The following BMPR2 variants were observed in gnomAD, a reference collection of about 807,000 sequenced individuals.
BMPR2 encodes bone morphogenetic protein receptor type 2, also known as bone morphogenetic protein receptor type-2.
Under a neutral mutation model 100.8 loss-of-function variants are expected in BMPR2, and 29 were observed. The ratio of observed to expected loss-of-function variants is 0.29; its 90% CI spans 0.21 to 0.39. The LOEUF (loss-of-function observed/expected upper bound fraction) is 0.39. Among genes scored for constraint, BMPR2 ranks in the 10% least tolerant of loss-of-function variants. The pLI, the probability that BMPR2 is intolerant of heterozygous loss-of-function variation, is 1.00. For synonymous variants in BMPR2, 382 were observed against 442.3 expected (o/e 0.86, Z 1.71); for missense variants, 1,011 against 1,274.5 (o/e 0.79, Z 3.15).
chr2:202,526,343 C>T (rs961958091), intron 7 of BMPR2, among the ~76,000 whole-genome samples: 1 of 152,214 alleles, frequency 6.6e-6, no homozygotes, highest in African/African-American at 2.4e-5. Context: ...GTCTCTCTGA[C>T]ATCTTTAGTG....
chr2:202,392,669 AGTT>A (rs1203944276), intron 1 of BMPR2, among the ~76,000 whole-genome samples: 4 of 152,094 alleles, frequency 2.6e-5, no homozygotes, highest in Non-Finnish European at 5.9e-5. Context: ...TAAGAGCTGT[AGTT>A]GTTTGAGTTT....
At chr2:202,535,288 C>T (rs1240043446) in intron 9 of BMPR2, among the ~76,000 whole-genome samples, 2 of 151,256 alleles carry the variant, frequency 1.3e-5, no homozygotes, top group Non-Finnish European at 1.5e-5. Flanking sequence ...ACTTCTCAGA[C>T]GGGGCGGCTG....
intron 5 of BMPR2, among the ~76,000 whole-genome samples, chr2:202,516,494 G>A (rs975149988): frequency 1.3e-5 from 2 of 152,132 alleles, no homozygotes; most frequent in African/African-American, 4.8e-5. Flanking sequence ...GGGCAACATG[G>A]TGAAACCCCA....
intron 11 of BMPR2, among the ~76,000 whole-genome samples, chr2:202,554,770 C>A (rs1688533649): frequency 6.6e-6 from 1 of 152,172 alleles, no homozygotes; most frequent in Non-Finnish European, 1.5e-5. Context: ...TTTGGAACAA[C>A]CTAAAAGCTT....
intron 3 of BMPR2, among the ~76,000 whole-genome samples, chr2:202,476,261 T>G (rs1283870505): frequency 4.2e-5 from 3 of 71,074 alleles, no homozygotes; most frequent in Non-Finnish European, 8.0e-5. Flanking sequence ...TCCAATTCCA[T>G]GTGTCCCTCT....
intron 10 of BMPR2, among the ~76,000 whole-genome samples, chr2:202,549,691 G>A (rs1688440881): frequency 1.3e-5 from 2 of 149,110 alleles, no homozygotes; most frequent in South Asian, 4.2e-4. Context: ...AGGCTGCCGT[G>A]AGCTGAGATC....
chr2:202,446,148 C>G (rs937119929), intron 1 of BMPR2, among the ~76,000 whole-genome samples: 1 of 150,498 alleles, frequency 6.6e-6, no homozygotes, highest in Non-Finnish European at 1.5e-5. Flanking sequence ...CGCCTGTAAT[C>G]CCGGCACTTT....
intron 1 of BMPR2, among the ~76,000 whole-genome samples, chr2:202,410,325 AC>A: frequency 6.6e-6 from 1 of 152,142 alleles, no homozygotes; most frequent in Middle Eastern, 3.4e-3. Flanking sequence ...ACTAATAAGA[AC>A]CCTTGAGAAA....
intron 1 of BMPR2, among the ~76,000 whole-genome samples, chr2:202,381,268 T>C (rs1309010672): frequency 6.6e-6 from 1 of 152,164 alleles, no homozygotes; most frequent in Non-Finnish European, 1.5e-5. Flanking sequence ...CCACCACGCC[T>C]GGGCTGGATT....
intron 1 of BMPR2, among the ~76,000 whole-genome samples, chr2:202,387,528 T>C (rs1485059716): frequency 6.6e-6 from 1 of 152,250 alleles, no homozygotes; most frequent in Non-Finnish European, 1.5e-5. Flanking sequence ...CTTTTAGGCA[T>C]CTGAAAATCT....
At chr2:202,539,509 A>G (rs1300183631) in intron 9 of BMPR2, among the ~76,000 whole-genome samples, 1 of 152,186 alleles carries the variant, frequency 6.6e-6, no homozygotes, top group Non-Finnish European at 1.5e-5. Flanking sequence ...AGTGTATACT[A>G]ACTATAAAAT....
intron 7 of BMPR2, among the ~76,000 whole-genome samples, chr2:202,525,368 TG>T (rs1687891105): frequency 6.6e-6 from 1 of 151,976 alleles, no homozygotes; most frequent in African/African-American, 2.4e-5. Flanking sequence ...AGCTAATTTT[TG>T]TATTTTTAGT....
Position 202,559,916 on chromosome 2 carries a change from G to T in BMPR2, c.3087G>T (p.Val1029=). Residue 1029 remains valine (V), a synonymous_variant, in exon 13 of 13, where the codon GTG becomes GTT. Coordinates refer to ENST00000374580, the MANE Select transcript of BMPR2 (RefSeq NM_001204.7). ...LAEGGTATTM[V]SKDIGMNCL ...AAGGAGGCACTGCTACAACCATGGTGTCTAAAGATATAGGAATGAACTGTC... is the reference window on the plus strand; with the variant it reads ...AAGGAGGCACTGCTACAACCATGGTTTCTAAAGATATAGGAATGAACTGTC... 1 of 1,614,078 alleles carries T rather than the reference G, an allele frequency of 6.2e-7. No homozygotes were observed. The highest frequency in any genetic ancestry group is 8.5e-7 in the Non-Finnish European group (1 of 1,180,020).
chr2:202,443,297 C>G (rs960380367), intron 1 of BMPR2, among the ~76,000 whole-genome samples: 1 of 150,690 alleles, frequency 6.6e-6, no homozygotes, highest in Non-Finnish European at 1.5e-5. Context: ...TTCTTTTATA[C>G]AGTGGGAAAA....
chr2:202,477,431 C>T (rs924398355), intron 3 of BMPR2, among the ~76,000 whole-genome samples: 3 of 151,688 alleles, frequency 2.0e-5, no homozygotes, highest in Non-Finnish European at 2.9e-5. Context: ...TTTGTTGTTT[C>T]CTATGTCCTT....
chr2:202,475,077 A>AT (rs1692518490), intron 3 of BMPR2: 1 of 152,084 alleles, frequency 6.6e-6, no homozygotes, highest in Non-Finnish European at 1.5e-5. Flanking sequence ...ATATACATCC[A>AT]TTTTAGATCC....
intron 3 of BMPR2, among the ~76,000 whole-genome samples, chr2:202,472,567 A>G (rs1692456909): frequency 6.6e-6 from 1 of 152,164 alleles, no homozygotes; most frequent in African/African-American, 2.4e-5. Flanking sequence ...GCTGAGGCAG[A>G]AGAATCACTT....
chr2:202,559,553 A>T, intron 12 of BMPR2, 143 bp from the exon 13 acceptor site: 1 of 933,586 alleles, frequency 1.1e-6, no homozygotes, highest in Non-Finnish European at 1.6e-6. Context: ...TCCTGGAAAA[A>T]CATTGTCTGG....
At chr2:202,557,623 C>A (rs142138211) in intron 12 of BMPR2, among the ~76,000 whole-genome samples, 4 of 151,908 alleles carry the variant, frequency 2.6e-5, no homozygotes, top group Non-Finnish European at 4.4e-5. Flanking sequence ...GCTGAGATTG[C>A]GCCATTGTAC....
Sources: gnomAD v4.1 joint callset for allele counts (sites outside exome capture counted in the v4.1 genomes callset) on GRCh38, gnomAD v4.1.1 for gene constraint, MANE v1.5 for transcripts, NCBI Gene and HGNC (gene_info 2026-07-23, HGNC 2026-07-21) for gene names.